The following PTPRA variants were observed in gnomAD, a reference collection of about 807,000 sequenced individuals.
PTPRA encodes receptor-type tyrosine-protein phosphatase alpha.
PTPRA carries 25 observed loss-of-function variants against 104.8 expected under a neutral mutation model. That is an observed-to-expected ratio of 0.24 (90% CI 0.17 to 0.33). The LOEUF (loss-of-function observed/expected upper bound fraction) is 0.33, where lower values mean the gene tolerates loss of function less well. Ranked by LOEUF, PTPRA falls within the 10% of genes least tolerant of loss-of-function variation. The pLI is 1.00. For missense variants in PTPRA, 765 were observed against 1,015.3 expected (o/e 0.75, Z 3.35); for synonymous variants, 323 against 368.9 (o/e 0.88, Z 1.43).
At chr20:2,953,753 G>T (rs563469125) in intron 3 of PTPRA, among the ~76,000 whole-genome samples, 14 of 150,040 alleles carry the variant, frequency 9.3e-5, no homozygotes. Flanking sequence ...GACTACAGGC[G>T]CCCGCCACCA....
chr20:3,038,156 CAGG>C lies in PTPRA; in HGVS notation c.*28_*30del. ...TAAGCGGCAACAAGGGTCCGTGGAC[CAGG>C]AGGATTGCCTTTAATATTTTGTAAT... On this transcript the variant is annotated 3_prime_UTR_variant, in exon 24 of 24. Coordinates refer to ENST00000399903, the MANE Select transcript of PTPRA (RefSeq NM_001385305.1). 2 of 1,577,270 alleles carry C rather than the reference CAGG, an allele frequency of 1.3e-6. No individual in the cohort carries two copies. The highest frequency in any genetic ancestry group is 1.7e-6 in the Non-Finnish European group (2 of 1,146,658).
the PTPRA span, among the ~76,000 whole-genome samples, chr20:2,867,438 A>G: frequency 6.6e-6 from 1 of 152,206 alleles, no homozygotes; most frequent in Non-Finnish European, 1.5e-5. Flanking sequence ...AATCAGTAGG[A>G]GTACCCGCGG....
At chr20:2,969,080 C>T (rs1418206288) in intron 5 of PTPRA, among the ~76,000 whole-genome samples, 1 of 151,894 alleles carries the variant, frequency 6.6e-6, no homozygotes. Flanking sequence ...AACGTGTTGG[C>T]ATATACTTGT....
At chr20:2,887,107 C>T (rs1446581755) in intron 1 of PTPRA, among the ~76,000 whole-genome samples, 1 of 151,800 alleles carries the variant, frequency 6.6e-6, no homozygotes, top group Non-Finnish European at 1.5e-5. Context: ...TTAAATTGCT[C>T]TATAATATAT....
chr20:2,995,410 G>A (rs559545218), intron 9 of PTPRA, among the ~76,000 whole-genome samples: 1 of 152,258 alleles, frequency 6.6e-6, no homozygotes, highest in African/African-American at 2.4e-5. Flanking sequence ...GAGCTACTGT[G>A]CCTGGCCAGC....
intron 2 of PTPRA, among the ~76,000 whole-genome samples, chr20:2,928,553 G>GT (rs1337243353): frequency 3.9e-5 from 6 of 152,092 alleles, no homozygotes; most frequent in Non-Finnish European, 7.4e-5. Context: ...GAAATAGAAA[G>GT]TTTCATATAG....
intron 1 of PTPRA, among the ~76,000 whole-genome samples, chr20:2,886,429 A>G (rs1386565059): frequency 2.0e-5 from 3 of 152,200 alleles, no homozygotes; most frequent in Admixed American, 2.0e-4. Flanking sequence ...ATAGGTATAT[A>G]AGGGTTTATT....
intron 9 of PTPRA, among the ~76,000 whole-genome samples, chr20:2,997,328 A>C (rs1406260284): frequency 3.3e-5 from 5 of 152,180 alleles, no homozygotes; most frequent in African/African-American, 4.8e-5. Context: ...TAAAACAAGC[A>C]TATTCTTTTT....
chr20:2,937,417 C>G (rs915128399), intron 2 of PTPRA, among the ~76,000 whole-genome samples: 1 of 152,168 alleles, frequency 6.6e-6, no homozygotes, highest in Non-Finnish European at 1.5e-5. Flanking sequence ...GCCATTGTGC[C>G]TGGCACACCT....
intron 9 of PTPRA, among the ~76,000 whole-genome samples, chr20:3,004,307 T>C (rs922805069): frequency 1.3e-5 from 2 of 152,188 alleles, no homozygotes; most frequent in Non-Finnish European, 1.5e-5. Flanking sequence ...CGTGAGCCAC[T>C]TCACCCGGCC....
At chr20:3,012,757 T>G (rs2064233469) in intron 11 of PTPRA, among the ~76,000 whole-genome samples, 1 of 152,234 alleles carries the variant, frequency 6.6e-6, no homozygotes, top group Admixed American at 6.5e-5. Flanking sequence ...TGCATCCTTT[T>G]TGTGGGCTGC....
In PTPRA at chr20:3,038,109, C is replaced by T; in HGVS notation, c.2385C>T (p.Phe795=). The T allele has an allele frequency of 6.2e-7, 1 of 1,613,138 alleles. No individual in the cohort carries two copies. Among genetic ancestry groups the T allele is most frequent in the Non-Finnish European group, 8.5e-7 (1 of 1,179,082 alleles). The change falls in exon 24 of 24, where the codon TTC becomes TTT. Residue 795 remains phenylalanine, a synonymous_variant. Coordinates refer to ENST00000399903, the MANE Select transcript of PTPRA (RefSeq NM_001385305.1). ...TGGTGCAGGAGTATATTGATGCATT[C>T]TCAGATTATGCCAACTTCAAGTAAG... ...YKVVQEYIDA[F]SDYANFK is the part of the protein sequence containing the mutation.
intron 1 of PTPRA, among the ~76,000 whole-genome samples, chr20:2,905,217 C>T (rs2059381021): frequency 6.6e-6 from 1 of 152,178 alleles, no homozygotes; most frequent in Non-Finnish European, 1.5e-5. Context: ...TCCACCCCTC[C>T]ATTTCATAGA....
chr20:3,026,895 T>A (rs2065172699), intron 18 of PTPRA, 115 bp downstream of exon 18: 3 of 992,884 alleles, frequency 3.0e-6, no homozygotes, highest in Non-Finnish European at 3.1e-6. Context: ...ATCATGGCAT[T>A]GCCTCTTGTT....
Position 2,986,830 on chromosome 20 carries a change from A to G in PTPRA, c.508A>G (p.Ile170Val), listed in dbSNP as rs762588788. 2 of 1,610,748 alleles carry G rather than the reference A, an allele frequency of 1.2e-6. No homozygotes were observed. The highest frequency in any genetic ancestry group is 1.3e-5 in the African/African-American group (1 of 74,964). The change falls in exon 7 of 24, where the codon ATA becomes GTA. Residue 170 changes from isoleucine (I) to valine (V), a missense_variant. Around this residue, in one of 4 missense-constraint regions of PTPRA, gnomAD observed 256 missense variants for 248.9 expected, o/e 1.03. Coordinates refer to ENST00000399903, the MANE Select transcript of PTPRA (RefSeq NM_001385305.1). ...SSLLVIVFIIIVLYMLRFKKY... is the reference protein window; with the variant it reads ...SSLLVIVFIIVVLYMLRFKKY... ...TCTGCTAGTGATCGTGTTTATTATC[A>G]TAGTTTTGTACATGTTAAGGTGAGC...
At chr20:2,936,431 G>A (rs905125218) in intron 2 of PTPRA, among the ~76,000 whole-genome samples, 3 of 151,462 alleles carry the variant, frequency 2.0e-5, no homozygotes, top group South Asian at 4.2e-4. Flanking sequence ...CCAAAGTGTT[G>A]GTATTATAGG....
intron 2 of PTPRA, among the ~76,000 whole-genome samples, chr20:2,942,051 A>G (rs2060942889): frequency 6.6e-6 from 1 of 152,258 alleles, no homozygotes; most frequent in African/African-American, 2.4e-5. Context: ...TATTTCTAGT[A>G]GAAGGAACAG....
At chr20:2,874,521 C>CAGAA (rs1273888697) in intron 1 of PTPRA, among the ~76,000 whole-genome samples, 1 of 152,124 alleles carries the variant, frequency 6.6e-6, no homozygotes, top group Non-Finnish European at 1.5e-5. Context: ...TGAACGCCAT[C>CAGAA]AGAAGCCTTT....
the PTPRA span, chr20:2,864,412 T>A: frequency 6.2e-7 from 1 of 1,613,930 alleles, no homozygotes; most frequent in Non-Finnish European, 8.5e-7. The surrounding 1 kb of genome is among the most constrained non-coding windows in gnomAD (Gnocchi z 5.2). Flanking sequence ...CCGAGGAGAT[T>A]TTTTCATGAC....
Sources: gnomAD v4.1 joint callset for allele counts (sites outside exome capture counted in the v4.1 genomes callset) on GRCh38, gnomAD v4.1.1 for gene constraint, gnomAD v4.1.1 regional missense constraint, Gnocchi (gnomAD v3.1) non-coding constraint, MANE v1.5 for transcripts, NCBI Gene and HGNC (gene_info 2026-07-23, HGNC 2026-07-21) for gene names.